MND1: variants seen among roughly 807,000 people sequenced by gnomAD.
The protein encoded by MND1 is meiotic nuclear division protein 1 homolog.
Under a neutral mutation model 35.1 loss-of-function variants are expected in MND1, and 28 were observed. The ratio of observed to expected loss-of-function variants is 0.80; its 90% CI spans 0.59 to 1.09. MND1 has a LOEUF of 1.09. Ranked by LOEUF, MND1 falls within the 50% of genes least tolerant of loss-of-function variation. MND1 has a pLI of 0.00. For missense variants in MND1, 213 were observed against 239.6 expected (o/e 0.89, Z 0.73); for synonymous variants, 69 against 70.5 (o/e 0.98, Z 0.11).
At chr4:153,387,198 T>C (rs1728893139) in intron 4 of MND1, among the ~76,000 whole-genome samples, 1 of 152,216 alleles carries the variant, frequency 6.6e-6, no homozygotes, top group Non-Finnish European at 1.5e-5. Context: ...AGATAGGCTG[T>C]CATTGTATTA....
intron 6 of MND1, among the ~76,000 whole-genome samples, chr4:153,408,627 AGTT>A (rs1182651962): frequency 6.6e-6 from 1 of 151,982 alleles, no homozygotes; most frequent in African/African-American, 2.4e-5. Context: ...TGGTATGGTG[AGTT>A]GTTTGAAAAA....
At chr4:153,412,202 T>C (rs931610307) in intron 7 of MND1, among the ~76,000 whole-genome samples, 14 of 152,258 alleles carry the variant, frequency 9.2e-5, no homozygotes, top group Admixed American at 3.9e-4. Context: ...GTATTCTCCA[T>C]AAAATTCATT....
At chr4:153,348,287 A>G (rs1006305810) in intron 1 of MND1, among the ~76,000 whole-genome samples, 2 of 152,164 alleles carry the variant, frequency 1.3e-5, no homozygotes, top group African/African-American at 4.8e-5. Context: ...CTGAGACTCA[A>G]GGTCTAGAAC....
rs539162979 is a variant in MND1, at chr4:153,361,519, TC to T, written c.276+2899del. 2,039 of 456,268 alleles carry T rather than the reference TC, an allele frequency of 4.5e-3. 14 individuals are homozygous for T. The highest frequency in any genetic ancestry group is 7.5e-3 in the Non-Finnish European group (1,708 of 226,964). 28.3% of individuals were successfully genotyped at this position (456,268 alleles called of 1,614,324 possible). ...CTTCTTTAGGACCCTGGCTGCTGCT[TC>T]CATGAAATAATTAAAGTCTCCTATT... On this transcript the variant is annotated intron_variant, in intron 4 of 7. Coordinates refer to ENST00000240488, the MANE Select transcript of MND1 (RefSeq NM_032117.4).
chr4:153,383,124 G>C (rs997704573), intron 4 of MND1, among the ~76,000 whole-genome samples: 4 of 152,206 alleles, frequency 2.6e-5, no homozygotes, highest in Admixed American at 2.6e-4. Context: ...CCTGAAATTT[G>C]TTGAGTATAT....
chr4:153,347,666 G>A (rs1271818028), intron 1 of MND1, among the ~76,000 whole-genome samples: 1 of 152,212 alleles, frequency 6.6e-6, no homozygotes, highest in Non-Finnish European at 1.5e-5. Flanking sequence ...TGCTTAGCCT[G>A]TGAACTCAGG....
chr4:153,367,161 A>T (rs958527984), intron 4 of MND1, among the ~76,000 whole-genome samples: 2 of 152,170 alleles, frequency 1.3e-5, no homozygotes, highest in African/African-American at 4.8e-5. Context: ...TATATACCAT[A>T]TAATTCACCC....
chr4:153,357,702 T>G (rs911412445), intron 3 of MND1, among the ~76,000 whole-genome samples: 4 of 152,210 alleles, frequency 2.6e-5, no homozygotes, highest in African/African-American at 9.6e-5. Context: ...AGACAAATTG[T>G]AGGTAATGGA....
chr4:153,390,521 G>A (rs1166938702), intron 4 of MND1, among the ~76,000 whole-genome samples: 1 of 152,072 alleles, frequency 6.6e-6, no homozygotes, highest in Non-Finnish European at 1.5e-5. Flanking sequence ...CAGATGTATA[G>A]TACCTGAAAG....
chr4:153,379,334 AAAG>A (rs1227429457), intron 4 of MND1, among the ~76,000 whole-genome samples: 1 of 151,460 alleles, frequency 6.6e-6, no homozygotes, highest in Non-Finnish European at 1.5e-5. Flanking sequence ...AGAAAAAAAA[AAAG>A]AAACCACAAA....
At chr4:153,404,151 A>G (rs1729419622) in intron 6 of MND1, among the ~76,000 whole-genome samples, 1 of 151,444 alleles carries the variant, frequency 6.6e-6, no homozygotes, top group South Asian at 2.1e-4. Flanking sequence ...GAAAAACGAG[A>G]AAATCAAAAC....
intron 4 of MND1, among the ~76,000 whole-genome samples, chr4:153,374,551 T>C (rs1244449246): frequency 2.0e-5 from 3 of 152,176 alleles, no homozygotes; most frequent in African/African-American, 7.2e-5. Flanking sequence ...AAAGATCAGC[T>C]TATTCTACAT....
At chr4:153,413,936 G>T (rs1729762373) in intron 7 of MND1, among the ~76,000 whole-genome samples, 1 of 152,064 alleles carries the variant, frequency 6.6e-6, no homozygotes. Flanking sequence ...AGTTGTTAAT[G>T]CATTTTAAAT....
intron 4 of MND1, among the ~76,000 whole-genome samples, chr4:153,359,224 A>C: frequency 6.6e-6 from 1 of 152,234 alleles, no homozygotes; most frequent in Non-Finnish European, 1.5e-5. Context: ...AAACCGTAGC[A>C]ACCACTGATC....
chr4:153,385,654 T>G (rs1321448140), intron 4 of MND1, among the ~76,000 whole-genome samples: 14 of 146,954 alleles, frequency 9.5e-5, no homozygotes, highest in African/African-American at 3.5e-4. Context: ...AGGTCGGGGT[T>G]GCAGTGAGCC....
intron 6 of MND1, among the ~76,000 whole-genome samples, chr4:153,405,859 C>T (rs1188997801): frequency 6.6e-6 from 1 of 152,116 alleles, no homozygotes; most frequent in Non-Finnish European, 1.5e-5. Flanking sequence ...GGCTGGAGTA[C>T]AGTGGCATGA....
In MND1 at chr4:153,364,320, C is replaced by T. The variant is rs531915566; in HGVS notation, c.276+5698C>T. 2.6e-5 allele frequency among the ~76,000 whole-genome samples: 4 copies of T among 151,866 alleles called. No homozygotes were observed. In the South Asian group the frequency reaches 8.3e-4, roughly 32 times the overall value. ...TCACTTGAGCCTAGGAATTCAAGAC[C>T]AGCCTGGCAACATGGCAAGACTCCA... On this transcript the variant is annotated intron_variant, in intron 4 of 7. Transcript: ENST00000240488.
intron 6 of MND1, among the ~76,000 whole-genome samples, chr4:153,407,246 C>T (rs560472008): frequency 6.6e-6 from 1 of 152,138 alleles, no homozygotes; most frequent in African/African-American, 2.4e-5. Flanking sequence ...GGCGGATCAC[C>T]TGAGGTTGGG....
intron 4 of MND1, among the ~76,000 whole-genome samples, chr4:153,379,967 A>G (rs1579926297): frequency 6.7e-6 from 1 of 149,474 alleles, no homozygotes; most frequent in African/African-American, 2.4e-5. Context: ...GGCTACAGTG[A>G]TCTATGATTG....
Sources: gnomAD v4.1 joint callset for allele counts (sites outside exome capture counted in the v4.1 genomes callset) on GRCh38, gnomAD v4.1.1 for gene constraint, MANE v1.5 for transcripts, NCBI Gene and HGNC (gene_info 2026-07-23, HGNC 2026-07-21) for gene names.